Variants in SPON1 observed in about 807,000 individuals in gnomAD.
SPON1 encodes the protein spondin-1.
Under a neutral mutation model 111.7 loss-of-function variants are expected in SPON1, and 52 were observed. The observed-to-expected ratio is 0.47, with a 90% confidence interval of 0.37 to 0.59. SPON1 has a LOEUF of 0.59. SPON1 is among the 20% of genes least tolerant of loss of function. SPON1 has a pLI of 0.00. For missense variants in SPON1, 957 were observed against 1,068.5 expected (o/e 0.90, Z 1.46); for synonymous variants, 410 against 395.8 (o/e 1.04, Z -0.43).
chr11:14,133,181 G>T (rs1230752392), intron 5 of SPON1, among the ~76,000 whole-genome samples: 1 of 152,154 alleles, frequency 6.6e-6, no homozygotes, highest in Non-Finnish European at 1.5e-5. Context: ...ATTTAATCAC[G>T]GTGAATCAAA....
At chr11:13,999,218 A>G (rs1554912173) in intron 2 of SPON1, among the ~76,000 whole-genome samples, 2 of 152,196 alleles carry the variant, frequency 1.3e-5, no homozygotes, top group African/African-American at 4.8e-5. Flanking sequence ...AAACCCTCTT[A>G]TTTCATTTAT....
chr11:14,171,934 A>G (rs1416066503), intron 6 of SPON1, among the ~76,000 whole-genome samples: 5 of 151,748 alleles, frequency 3.3e-5, no homozygotes, highest in Admixed American at 3.3e-4. Flanking sequence ...TTTTGGAATA[A>G]GTGTGGTGTG....
At chr11:14,012,175 C>A (rs1314568460) in intron 2 of SPON1, among the ~76,000 whole-genome samples, 2 of 152,112 alleles carry the variant, frequency 1.3e-5, no homozygotes, top group African/African-American at 4.8e-5. Context: ...TGCTGGCCAG[C>A]CTTCCAGAGG....
Position 14,265,694 on chromosome 11 carries a change from T to C in SPON1, c.*7T>C. ...CAATGTTCATCCTTGTTAGCAAGGG[T>C]ACGAGTTCCCCAGGGCTGCACTCTA... On this transcript the variant is annotated 3_prime_UTR_variant, in exon 16 of 16. Coordinates refer to ENST00000576479, the MANE Select transcript of SPON1 (RefSeq NM_006108.4). 1 of 1,612,620 alleles carries C rather than the reference T, an allele frequency of 6.2e-7. No individual in the cohort carries two copies. The highest frequency in any genetic ancestry group is 8.5e-7 in the Non-Finnish European group (1 of 1,179,344).
At chr11:14,240,432 C>T (rs1554939548) in intron 6 of SPON1, among the ~76,000 whole-genome samples, 1 of 152,210 alleles carries the variant, frequency 6.6e-6, no homozygotes, top group African/African-American at 2.4e-5. Flanking sequence ...AGATTTACAG[C>T]AGGAAGCTGT....
chr11:14,193,581 G>A (rs1383634806), intron 6 of SPON1, among the ~76,000 whole-genome samples: 1 of 152,136 alleles, frequency 6.6e-6, no homozygotes, highest in Non-Finnish European at 1.5e-5. Flanking sequence ...CACATTCAAT[G>A]TCACTTTGTG....
chr11:14,150,032 C>T (rs1268104301), intron 6 of SPON1, among the ~76,000 whole-genome samples: 8 of 152,198 alleles, frequency 5.3e-5, no homozygotes, highest in South Asian at 2.1e-4. Context: ...ATGTTTATTG[C>T]GGCATTATTC....
intron 6 of SPON1, among the ~76,000 whole-genome samples, chr11:14,172,715 T>C (rs1347955733): frequency 6.6e-6 from 1 of 151,874 alleles, no homozygotes; most frequent in Admixed American, 6.6e-5. Flanking sequence ...CAGCATTTGC[T>C]TGTCTGTAAA....
chr11:14,206,384 G>T (rs1438492064), intron 6 of SPON1, among the ~76,000 whole-genome samples: 2 of 152,074 alleles, frequency 1.3e-5, no homozygotes, highest in Admixed American at 1.3e-4. Context: ...AGTAGAGATG[G>T]GTTTCACCAT....
intron 2 of SPON1, among the ~76,000 whole-genome samples, chr11:14,008,160 G>T (rs1333161587): frequency 6.6e-6 from 1 of 152,050 alleles, no homozygotes; most frequent in Non-Finnish European, 1.5e-5. Flanking sequence ...TAAAAATACA[G>T]TATAACAACT....
chr11:14,205,345 C>T (rs1848506754), intron 6 of SPON1, among the ~76,000 whole-genome samples: 1 of 152,182 alleles, frequency 6.6e-6, no homozygotes, highest in Admixed American at 6.5e-5. Context: ...CTCCATCTTC[C>T]TCCAGGGCCT....
intron 6 of SPON1, among the ~76,000 whole-genome samples, chr11:14,149,002 G>A (rs1554929634): frequency 2.0e-5 from 3 of 152,150 alleles, no homozygotes; most frequent in African/African-American, 7.2e-5. Context: ...AGATTATAAT[G>A]GAGCTAAAAA....
chr11:13,963,553 C>T (rs922094745), intron 1 of SPON1, among the ~76,000 whole-genome samples: 4 of 152,164 alleles, frequency 2.6e-5, no homozygotes, highest in Admixed American at 2.0e-4. Flanking sequence ...GCAAGGCAGC[C>T]ACTCCAGCTT....
chr11:14,243,163 CTG>C (rs2133918299), intron 6 of SPON1, among the ~76,000 whole-genome samples, 167 bp from the exon 7 acceptor site: 1 of 152,342 alleles, frequency 6.6e-6, no homozygotes, highest in African/African-American at 2.4e-5. Context: ...CCCGGTATCA[CTG>C]AGGCCCCAGG....
At chr11:14,079,125 C>G (rs1848940669) in intron 4 of SPON1, among the ~76,000 whole-genome samples, 3 of 152,208 alleles carry the variant, frequency 2.0e-5, no homozygotes. Flanking sequence ...CTAAAAGCAA[C>G]AACGTGCAGC....
chr11:14,179,948 C>T (rs1273158708), intron 6 of SPON1, among the ~76,000 whole-genome samples: 2 of 152,170 alleles, frequency 1.3e-5, no homozygotes, highest in African/African-American at 2.4e-5. Context: ...CTCTTCTCTT[C>T]GTCCTCACTG....
intron 4 of SPON1, among the ~76,000 whole-genome samples, chr11:14,077,131 G>T (rs374881445): frequency 3.3e-5 from 5 of 152,164 alleles, no homozygotes; most frequent in Admixed American, 2.6e-4. Context: ...CATAACATCA[G>T]GATTGAGACT....
At chr11:14,056,987 A>C (rs942724908) in intron 3 of SPON1, among the ~76,000 whole-genome samples, 2 of 152,166 alleles carry the variant, frequency 1.3e-5, no homozygotes, top group Admixed American at 6.5e-5. Context: ...ATACACTTAT[A>C]AGAGCACTGG....
chr11:14,045,700 C>A (rs1848663710), intron 3 of SPON1, among the ~76,000 whole-genome samples: 1 of 149,650 alleles, frequency 6.7e-6, no homozygotes, highest in Non-Finnish European at 1.5e-5. Flanking sequence ...TATTTACATA[C>A]ATATAAAATA....
Sources: allele counts gnomAD v4.1 joint callset (sites outside exome capture counted in the v4.1 genomes callset), GRCh38; gene constraint gnomAD v4.1.1; transcripts MANE v1.5; gene names NCBI Gene and HGNC (gene_info 2026-07-23, HGNC 2026-07-21).